CACNB4: variants seen among roughly 807,000 people sequenced by gnomAD.
CACNB4 encodes voltage-dependent L-type calcium channel subunit beta-4.
A neutral mutation model predicts 71.2 loss-of-function variants in CACNB4; 32 were observed. That is an observed-to-expected ratio of 0.45 (90% CI 0.34 to 0.60). The LOEUF (loss-of-function observed/expected upper bound fraction) is 0.60. Ranked by LOEUF, CACNB4 falls within the 20% of genes least tolerant of loss-of-function variation. CACNB4 has a pLI of 0.01. For missense variants in CACNB4, 464 were observed against 647.9 expected (o/e 0.72, Z 3.08); for synonymous variants, 231 against 236.9 (o/e 0.97, Z 0.23).
intron 2 of CACNB4, among the ~76,000 whole-genome samples, chr2:152,051,330 A>C (rs1287861828): frequency 1.3e-5 from 2 of 152,178 alleles, no homozygotes; most frequent in Non-Finnish European, 2.9e-5. Flanking sequence ...TCAACAGTTT[A>C]GTATATTCAG....
At chr2:151,868,161 T>C (rs1296365076) in intron 9 of CACNB4, 1 of 152,242 alleles carries the variant, frequency 6.6e-6, no homozygotes, top group Non-Finnish European at 1.5e-5. Flanking sequence ...ATTCTTAATA[T>C]ACCAATTTAT....
intron 2 of CACNB4, among the ~76,000 whole-genome samples, chr2:151,914,410 G>A (rs2099856964): frequency 6.6e-6 from 1 of 152,140 alleles, no homozygotes; most frequent in South Asian, 2.1e-4. Flanking sequence ...CATTGGGTTA[G>A]AACATGCTCC....
At chr2:151,905,394 T>C (rs541507506) in intron 2 of CACNB4, among the ~76,000 whole-genome samples, 2 of 152,330 alleles carry the variant, frequency 1.3e-5, no homozygotes, top group African/African-American at 4.8e-5. Flanking sequence ...CACTCATCTT[T>C]CGAACTAAAA....
chr2:152,024,793 C>T (rs912054666), intron 2 of CACNB4, among the ~76,000 whole-genome samples: 11 of 152,212 alleles, frequency 7.2e-5, no homozygotes, highest in African/African-American at 2.2e-4. Context: ...TGGTGGCTCA[C>T]GCCTGTAATC....
At chr2:152,070,745 CATGA>C (rs1359274743) in intron 2 of CACNB4, among the ~76,000 whole-genome samples, 1 of 152,196 alleles carries the variant, frequency 6.6e-6, no homozygotes, top group Non-Finnish European at 1.5e-5. Flanking sequence ...TCCTAATCTG[CATGA>C]ATATTAAAAT....
chr2:151,962,263 C>T (rs1352725888), intron 2 of CACNB4, among the ~76,000 whole-genome samples: 1 of 152,218 alleles, frequency 6.6e-6, no homozygotes, highest in Non-Finnish European at 1.5e-5. Flanking sequence ...ATAACCACAC[C>T]CTTTCTGGGA....
intron 2 of CACNB4, among the ~76,000 whole-genome samples, chr2:152,092,721 G>A (rs1688044235): frequency 6.6e-6 from 1 of 151,768 alleles, no homozygotes; most frequent in Non-Finnish European, 1.5e-5. Context: ...ATAGTACTCT[G>A]TAGTATAATA....
At chr2:152,013,345 C>T (rs551130983) in intron 2 of CACNB4, among the ~76,000 whole-genome samples, 1 of 152,290 alleles carries the variant, frequency 6.6e-6, no homozygotes, top group South Asian at 2.1e-4. Context: ...AAATTATAAA[C>T]ATGTCTAATT....
upstream of CACNB4, chr2:152,099,102 G>A (rs371462792): frequency 7.7e-5 from 60 of 780,986 alleles, no homozygotes; most frequent in East Asian, 1.4e-3. Context: ...GGAGGGCGCA[G>A]GACTTCCCCA....
chr2:151,875,683 A>G (rs1375547950), intron 5 of CACNB4, among the ~76,000 whole-genome samples: 1 of 27,090 alleles, frequency 3.7e-5, no homozygotes, highest in African/African-American at 2.0e-4. Flanking sequence ...TGACCCCCCC[A>G]CCTCCCTCCC....
At chr2:152,023,945 C>T (rs186790355) in intron 2 of CACNB4, among the ~76,000 whole-genome samples, 1 of 152,340 alleles carries the variant, frequency 6.6e-6, no homozygotes, top group East Asian at 1.9e-4. Flanking sequence ...TGACAATTTA[C>T]ATTTAAGATG....
chr2:151,982,399 C>A (rs1478432553), intron 2 of CACNB4, among the ~76,000 whole-genome samples: 2 of 151,912 alleles, frequency 1.3e-5, no homozygotes, highest in East Asian at 3.9e-4. Context: ...TTTGGGAGGC[C>A]AAGGCGGGCA....
chr2:151,858,269 T>G (rs1461193459), intron 10 of CACNB4: 1 of 152,156 alleles, frequency 6.6e-6, no homozygotes, highest in African/African-American at 2.4e-5. Flanking sequence ...CCCACCTCTC[T>G]CCAGGATCCC....
chr2:151,869,503 C>G (rs1339309024), intron 8 of CACNB4: 1 of 339,600 alleles, frequency 2.9e-6, no homozygotes, highest in Non-Finnish European at 5.4e-6. Context: ...CCTCTTCCCT[C>G]GTTAGGGGAT....
chr2:152,073,287 G>A lies in CACNB4; in HGVS notation c.147+25043C>T, dbSNP rs62175110. Among the ~76,000 whole-genome samples, 833 of 152,196 alleles carry A rather than the reference G, an allele frequency of 5.5e-3. 5 individuals carry two copies. The highest frequency in any genetic ancestry group is 9.8e-3 in the Non-Finnish European group (668 of 68,006). ...ATTTCCTTATTGAAGGGAGCCAGTC[G>A]AGAAGGAAAGACCATCTTCCTTGTC... On this transcript the variant is annotated intron_variant, in intron 2 of 13. Transcript: ENST00000539935.
chr2:152,019,041 A>ACACCACAGT (rs1683510217), intron 2 of CACNB4, among the ~76,000 whole-genome samples: 1 of 152,128 alleles, frequency 6.6e-6, no homozygotes, highest in South Asian at 2.1e-4. Flanking sequence ...GGGAATTCAC[A>ACACCACAGT]CACCACAGTG....
intron 2 of CACNB4, among the ~76,000 whole-genome samples, chr2:151,948,122 T>A (rs926828916): frequency 6.6e-6 from 1 of 152,198 alleles, no homozygotes; most frequent in South Asian, 2.1e-4. Flanking sequence ...AAATCTCTCA[T>A]GAGAAACTAG....
intron 5 of CACNB4, among the ~76,000 whole-genome samples, chr2:151,876,139 T>C (rs1345957464): frequency 6.6e-6 from 1 of 152,006 alleles, no homozygotes; most frequent in Non-Finnish European, 1.5e-5. Flanking sequence ...CCACTCACTG[T>C]GTGGAGAAAG....
chr2:151,903,074 T>C (rs1439257909), intron 2 of CACNB4, among the ~76,000 whole-genome samples: 2 of 152,222 alleles, frequency 1.3e-5, no homozygotes, highest in African/African-American at 4.8e-5. Context: ...TGCTCTTGAA[T>C]GCTGAGTTTG....
Sources: allele counts gnomAD v4.1 joint callset (sites outside exome capture counted in the v4.1 genomes callset), GRCh38; gene constraint gnomAD v4.1.1; transcripts MANE v1.5; gene names NCBI Gene and HGNC (gene_info 2026-07-23, HGNC 2026-07-21).